Variants in ITGAL observed in about 807,000 individuals in gnomAD.
ITGAL encodes integrin subunit alpha L, also known as integrin alpha-L.
ITGAL carries 68 observed loss-of-function variants against 138.4 expected under a neutral mutation model. The ratio of observed to expected loss-of-function variants is 0.49; its 90% confidence interval spans 0.40 to 0.60. The LOEUF is 0.60. Among genes scored for constraint, ITGAL ranks in the 20% least tolerant of loss-of-function variants. ITGAL has a pLI of 0.00. For missense variants in ITGAL, 1,256 were observed against 1,478.6 expected (o/e 0.85, Z 2.47); for synonymous variants, 561 against 584.3 (o/e 0.96, Z 0.57).
chr16:30,486,238 C>T lies in ITGAL; in HGVS notation c.1006+1975C>T, dbSNP rs143261718. The stretch of plus-strand genomic sequence containing the variant: ...GCAATGGGCTGAGCGTGGTGGCTCA[C>T]GCTTGTCATCCCAACACTCTGGGAG... On this transcript the variant is annotated intron_variant, in intron 9 of 30. Transcript: ENST00000356798. Among the ~76,000 whole-genome samples the T allele has an allele frequency of 3.7e-3, 563 of 152,236 alleles. 3 individuals carry two copies. The highest frequency in any genetic ancestry group is 0.013 in the African/African-American group (544 of 41,556).
intron 21 of ITGAL, among the ~76,000 whole-genome samples, chr16:30,507,302 A>G (rs527515659): frequency 3.0e-4 from 45 of 152,046 alleles, no homozygotes; most frequent in Non-Finnish European, 6.2e-4. Flanking sequence ...TACTAAAAAT[A>G]CAAAAAATTA....
At chr16:30,511,901 G>A (rs34515521) in intron 24 of ITGAL, among the ~76,000 whole-genome samples, 44 of 152,310 alleles carry the variant, frequency 2.9e-4, no homozygotes, top group Admixed American at 2.9e-3. Context: ...CCAGGCAATT[G>A]AGAAGACAGT....
intron 17 of ITGAL, 114 bp downstream of exon 17, chr16:30,499,603 C>T: frequency 1.0e-6 from 1 of 978,866 alleles, no homozygotes; most frequent in Non-Finnish European, 1.5e-6. Flanking sequence ...GTCACTTCCT[C>T]TCCTGTGCAA....
chr16:30,489,431 C>T (rs1173465498), intron 11 of ITGAL, 45 bp downstream of exon 11: 1 of 1,598,854 alleles, frequency 6.3e-7, no homozygotes, highest in Middle Eastern at 1.7e-4. Flanking sequence ...TTGTTGAGGT[C>T]AGATGGTCGC....
At position 30,504,165 on chromosome 16, in the gene ITGAL, TC is replaced by T; in HGVS notation, c.2146-9del. 6.3e-7 allele frequency: 1 copy of T among 1,599,382 alleles called. No homozygotes were observed. On this transcript the variant is annotated splice_polypyrimidine_tract_variant and intron_variant, in intron 17 of 30. Transcript: ENST00000356798. ...ATTCATGACATAGGCTGTATTCTTA[TC>T]ACCCTCAGGTATGTGTTCAAGACCT...
At chr16:30,485,468 C>T (rs1275333708) in intron 9 of ITGAL, among the ~76,000 whole-genome samples, 1 of 152,128 alleles carries the variant, frequency 6.6e-6, no homozygotes, top group East Asian at 1.9e-4. Context: ...GTGACCTGCC[C>T]GCCTTGGCCT....
chr16:30,488,841 C>T, intron 9 of ITGAL: 2 of 501,422 alleles, frequency 4.0e-6, no homozygotes, highest in Non-Finnish European at 7.3e-6. Flanking sequence ...TGCGCCACTG[C>T]ACTCCAACCT....
At chr16:30,489,436 G>T (rs1168838196) in intron 11 of ITGAL, 50 bp downstream of exon 11, 6 of 1,596,424 alleles carry the variant, frequency 3.8e-6, no homozygotes, top group South Asian at 1.1e-5. Flanking sequence ...GAGGTCAGAT[G>T]GTCGCTCAGC....
At chr16:30,473,491 G>T (rs2050422131) in intron 1 of ITGAL, among the ~76,000 whole-genome samples, 1 of 152,172 alleles carries the variant, frequency 6.6e-6, no homozygotes, top group South Asian at 2.1e-4. Flanking sequence ...TGGGAGGAGG[G>T]TGCTGGGTTC....
At chr16:30,483,482 A>G (rs1365266498) in intron 7 of ITGAL, among the ~76,000 whole-genome samples, 2 of 152,084 alleles carry the variant, frequency 1.3e-5, no homozygotes, top group Non-Finnish European at 2.9e-5. Context: ...TTGAAATCTC[A>G]CTTGGATCAA....
chr16:30,520,007 C>G (rs1341311013), intron 30 of ITGAL, 40 bp downstream of exon 30: 3 of 1,426,190 alleles, frequency 2.1e-6, no homozygotes, highest in East Asian at 2.3e-5. Flanking sequence ...CTGAGACAGC[C>G]AGGCTGGGGA....
intron 1 of ITGAL, chr16:30,473,855 C>T: frequency 2.1e-6 from 1 of 475,140 alleles, no homozygotes; most frequent in South Asian, 1.6e-5. Flanking sequence ...GGCTCGGGGG[C>T]ATCCCCATCT....
intron 26 of ITGAL, 139 bp downstream of exon 26, chr16:30,517,225 G>A (rs574315344): frequency 3.1e-5 from 20 of 639,008 alleles, no homozygotes; most frequent in Admixed American, 5.6e-5. Flanking sequence ...GCTGAAGTGG[G>A]AGAATCCATT....
At chr16:30,520,743 C>G (rs1320659636) in intron 30 of ITGAL, among the ~76,000 whole-genome samples, 1 of 152,168 alleles carries the variant, frequency 6.6e-6, no homozygotes, top group African/African-American at 2.4e-5. Flanking sequence ...CCTGGCAGGC[C>G]TCCCAGGAGA....
chr16:30,509,240 A>G (rs913155935), intron 21 of ITGAL: 1 of 152,032 alleles, frequency 6.6e-6, no homozygotes, highest in Non-Finnish European at 1.5e-5. Flanking sequence ...TCTGTGTTCA[A>G]GTTCTTACGG....
At chr16:30,500,061 T>A (rs546189900) in intron 17 of ITGAL, among the ~76,000 whole-genome samples, 3 of 41,478 alleles carry the variant, frequency 7.2e-5, no homozygotes, top group East Asian at 8.3e-4. Context: ...TTTTATATTA[T>A]TTATTTATTT....
intron 17 of ITGAL, among the ~76,000 whole-genome samples, chr16:30,502,375 C>T (rs955574007): frequency 9.1e-5 from 11 of 121,482 alleles, no homozygotes; most frequent in African/African-American, 2.4e-4. Context: ...CCAGCCTGGG[C>T]GACAGAGCAA....
chr16:30,517,318 C>G (rs2051181169), intron 26 of ITGAL, among the ~76,000 whole-genome samples: 1 of 152,094 alleles, frequency 6.6e-6, no homozygotes, highest in Admixed American at 6.6e-5. Flanking sequence ...TCCAGGCATG[C>G]ATGGTGGCCC....
chr16:30,474,307 T>C lies in ITGAL; in HGVS notation c.164+9T>C. ...CTGCAGGTCGGAAACGGGTGAGCTG[T>C]GCCCCACAAGTCCTCCTCCTGATGC... On this transcript the variant is annotated intron_variant, in intron 2 of 30. Transcript: ENST00000356798. The C allele has an allele frequency of 6.3e-7, 1 of 1,588,100 alleles. No homozygotes were observed. The highest frequency in any genetic ancestry group is 8.6e-7 in the Non-Finnish European group (1 of 1,164,674).
Sources: gnomAD v4.1 joint callset for allele counts (sites outside exome capture counted in the v4.1 genomes callset) on GRCh38, gnomAD v4.1.1 for gene constraint, MANE v1.5 for transcripts, NCBI Gene and HGNC (gene_info 2026-07-23, HGNC 2026-07-21) for gene names.